The following FMNL2 variants were observed in gnomAD, a reference collection of about 807,000 sequenced individuals.
The protein encoded by FMNL2 is formin like 2.
A neutral mutation model predicts 130.2 loss-of-function variants in FMNL2; 51 were observed. That is an observed-to-expected ratio of 0.39 (90% CI 0.31 to 0.49). FMNL2 has a LOEUF of 0.49. Among genes scored for constraint, FMNL2 ranks in the 20% least tolerant of loss-of-function variants. FMNL2 has a pLI of 0.85. For missense variants in FMNL2, 977 were observed against 1,316.2 expected (o/e 0.74, Z 3.99); for synonymous variants, 465 against 467.1 (o/e 1.00, Z 0.06).
chr2:152,639,984 G>A lies in FMNL2; in HGVS notation c.2973G>A (p.Arg991=). 6.4e-7 allele frequency: 1 copy of A among 1,558,440 alleles called. No individual in the cohort carries two copies. The highest frequency in any genetic ancestry group is 8.7e-7 in the Non-Finnish European group (1 of 1,151,588). ...AAGCAGAAGAGGAAAATGAGCTGAG[G>A]AAAAAGCAGGAACAAGCTCTCATGG... The part of the protein sequence containing the change: ...YKQAEEENEL[R]KKQEQALMEK... Residue 991 remains arginine (R), a synonymous_variant, in exon 24 of 26, where the codon AGG becomes AGA. Transcript: ENST00000288670.
intron 15 of FMNL2, among the ~76,000 whole-genome samples, chr2:152,621,994 GC>G (rs1167791072): frequency 3.3e-5 from 5 of 152,186 alleles, no homozygotes; most frequent in African/African-American, 7.2e-5. Flanking sequence ...CAAGAGGAGA[GC>G]CCCATAGTTT....
At chr2:152,574,454 A>G (rs1220986639) in intron 6 of FMNL2, among the ~76,000 whole-genome samples, 2 of 144,288 alleles carry the variant, frequency 1.4e-5, no homozygotes, top group Non-Finnish European at 1.5e-5. Flanking sequence ...AAAAAAAAAA[A>G]GAAAAGAAAC....
At chr2:152,478,250 A>ATTTTT (rs869219736) in intron 1 of FMNL2, among the ~76,000 whole-genome samples, 1 of 92,134 alleles carries the variant, frequency 1.1e-5, no homozygotes, top group Non-Finnish European at 2.0e-5. Flanking sequence ...ATATATATAT[A>ATTTTT]TTTTTTTTTT....
chr2:152,380,990 G>T (rs916501801), intron 1 of FMNL2, among the ~76,000 whole-genome samples: 1 of 152,158 alleles, frequency 6.6e-6, no homozygotes, highest in African/African-American at 2.4e-5. Context: ...TGTATATAAT[G>T]CCTAGGAATG....
chr2:152,603,060 A>C (rs1217653192), intron 9 of FMNL2, among the ~76,000 whole-genome samples: 1 of 152,194 alleles, frequency 6.6e-6, no homozygotes, highest in Non-Finnish European at 1.5e-5. Flanking sequence ...ACACTTGTTT[A>C]ATGATTGCTA....
chr2:152,531,638 G>T (rs1693704813), intron 2 of FMNL2, among the ~76,000 whole-genome samples: 1 of 152,066 alleles, frequency 6.6e-6, no homozygotes, highest in South Asian at 2.1e-4. Context: ...ACCACGCCCA[G>T]CTAATTTTTG....
At chr2:152,469,508 G>T (rs1402355679) in intron 1 of FMNL2, among the ~76,000 whole-genome samples, 3 of 152,132 alleles carry the variant, frequency 2.0e-5, no homozygotes, top group Non-Finnish European at 4.4e-5. Context: ...TCTGACTCAT[G>T]CCATTTCTTT....
intron 16 of FMNL2, 51 bp downstream of exon 16, chr2:152,625,613 C>T (rs539158370): frequency 3.9e-6 from 6 of 1,553,630 alleles, no homozygotes; most frequent in South Asian, 2.3e-5. Context: ...GCAGCAAAGC[C>T]GGCATGGGTG....
At chr2:152,379,990 C>G (rs1383493903) in intron 1 of FMNL2, among the ~76,000 whole-genome samples, 2 of 152,156 alleles carry the variant, frequency 1.3e-5, no homozygotes, top group Admixed American at 1.3e-4. Flanking sequence ...TCAGTTATAT[C>G]AAAGATAGGC....
chr2:152,429,246 G>T (rs1273933627), intron 1 of FMNL2, among the ~76,000 whole-genome samples: 6 of 151,172 alleles, frequency 4.0e-5, no homozygotes, highest in African/African-American at 1.5e-4. Context: ...AAAGAAAATG[G>T]TTAAAGCTGA....
Position 152,564,798 on chromosome 2 carries a change from T to TTTTTTTTTA in FMNL2, c.596+3763_596+3764insTTTTTTTTA, listed in dbSNP as rs1553477782. Among the ~76,000 whole-genome samples, 108 of 146,490 alleles carry TTTTTTTTTA rather than the reference T, an allele frequency of 7.4e-4. 3 individuals are homozygous for TTTTTTTTTA. The highest frequency in any genetic ancestry group is 1.1e-3 in the African/African-American group (44 of 39,002). On this transcript the variant is annotated intron_variant, in intron 6 of 25. Transcript: ENST00000288670. ...TTGGTTTTTTTTTTTTTTTTTTTTT[T>TTTTTTTTTA]AACCAAATTCTAATGTTGACACACA...
chr2:152,637,501 C>A, intron 22 of FMNL2, 72 bp from the exon 23 acceptor site: 1 of 1,200,388 alleles, frequency 8.3e-7, no homozygotes, highest in South Asian at 1.2e-5. Flanking sequence ...TGCTTTGCAT[C>A]AGCGTTCCCC....
At position 152,606,629 on chromosome 2, in the gene FMNL2, C is replaced by CT. The variant is rs70974875; in HGVS notation, c.877-687dup. 2.5e-3 allele frequency among the ~76,000 whole-genome samples: 261 copies of CT among 105,448 alleles called. 1 individual carries two copies. The highest frequency in any genetic ancestry group is 4.2e-3 in the Non-Finnish European group (221 of 53,074). The allele number at this position is 105,448 out of a possible 152,430, so 69.2% of individuals were successfully genotyped here. A position where few individuals can be genotyped will look rare whatever the true frequency, so the allele number is the denominator to read the frequency against. On this transcript the variant is annotated intron_variant, in intron 9 of 25. Transcript: ENST00000288670. ...CATTTGATAGAAATCTTTTTTGACT[C>CT]TTTTTTTTTTTTTTTTTTTTTTTAG...
intron 22 of FMNL2, among the ~76,000 whole-genome samples, chr2:152,637,049 G>T (rs1682677415): frequency 1.3e-5 from 2 of 152,186 alleles, no homozygotes; most frequent in Admixed American, 1.3e-4. Flanking sequence ...TGGGGGATGG[G>T]GACTCAGAAA....
intron 3 of FMNL2, among the ~76,000 whole-genome samples, chr2:152,546,322 C>T (rs953080745): frequency 2.7e-4 from 41 of 151,990 alleles, no homozygotes; most frequent in African/African-American, 9.4e-4. Flanking sequence ...GTGAGGGCCT[C>T]GGGGTTTACA....
intron 1 of FMNL2, among the ~76,000 whole-genome samples, chr2:152,432,372 A>G (rs1440611565): frequency 6.6e-6 from 1 of 152,240 alleles, no homozygotes; most frequent in Non-Finnish European, 1.5e-5. Flanking sequence ...GCATTGTGAA[A>G]GAATCATGCC....
intron 9 of FMNL2, among the ~76,000 whole-genome samples, chr2:152,585,128 A>C (rs946837424): frequency 2.6e-5 from 4 of 152,246 alleles, no homozygotes; most frequent in Admixed American, 6.5e-5. Context: ...CTAAATCATT[A>C]ACAGTCAACC....
chr2:152,544,623 AGT>A (rs1558951712), intron 3 of FMNL2, among the ~76,000 whole-genome samples: 1 of 152,152 alleles, frequency 6.6e-6, no homozygotes, highest in Non-Finnish European at 1.5e-5. Flanking sequence ...CCCTGAGTTG[AGT>A]GTGGCAGAGA....
chr2:152,346,993 A>G (rs567646218), intron 1 of FMNL2, among the ~76,000 whole-genome samples: 2 of 152,086 alleles, frequency 1.3e-5, no homozygotes, highest in South Asian at 4.1e-4. Flanking sequence ...TGGGAGGCTG[A>G]GGCAGGAGAA....
Sources: allele counts gnomAD v4.1 joint callset (sites outside exome capture counted in the v4.1 genomes callset), GRCh38; gene constraint gnomAD v4.1.1; transcripts MANE v1.5; gene names NCBI Gene and HGNC (gene_info 2026-07-23, HGNC 2026-07-21).